Variants in MPP7 observed in about 807,000 individuals in gnomAD.
MPP7 encodes MAGUK p55 scaffold protein 7.
In MPP7, 60 loss-of-function variants were observed where a neutral mutation model predicts 76.5. The ratio of observed to expected loss-of-function variants is 0.78; its 90% CI spans 0.64 to 0.97. The LOEUF (loss-of-function observed/expected upper bound fraction) is 0.97. MPP7 is among the 50% of genes least tolerant of loss of function. The pLI, the probability that MPP7 is intolerant of heterozygous loss-of-function variation, is 0.00. For synonymous variants in MPP7, 237 were observed against 244.5 expected (o/e 0.97, Z 0.29); for missense variants, 641 against 694.0 (o/e 0.92, Z 0.86).
chr10:28,326,374 G>T (rs1305807698), intron 2 of MPP7, among the ~76,000 whole-genome samples: 1 of 151,622 alleles, frequency 6.6e-6, no homozygotes, highest in Non-Finnish European at 1.5e-5. Context: ...GCTACCAATT[G>T]TAAATGTGAG....
At chr10:28,291,823 CA>C (rs1840927760) in intron 1 of MPP7, among the ~76,000 whole-genome samples, 1 of 152,064 alleles carries the variant, frequency 6.6e-6, no homozygotes, top group South Asian at 2.1e-4. Context: ...GTTTATCAGG[CA>C]AAAAAGTTAA....
intron 3 of MPP7, among the ~76,000 whole-genome samples, chr10:28,163,077 A>T (rs1836318226): frequency 6.6e-6 from 1 of 152,190 alleles, no homozygotes; most frequent in Non-Finnish European, 1.5e-5. Context: ...CATAGGGTCC[A>T]GGGAGAAAGA....
chr10:28,154,401 T>G (rs1835982683), intron 3 of MPP7, among the ~76,000 whole-genome samples: 1 of 152,170 alleles, frequency 6.6e-6, no homozygotes, highest in African/African-American at 2.4e-5. Context: ...TGTAAAGAAA[T>G]AAAGCCTTCC....
At chr10:28,210,958 A>G (rs1588929391) in intron 2 of MPP7, among the ~76,000 whole-genome samples, 2 of 152,314 alleles carry the variant, frequency 1.3e-5, no homozygotes, top group East Asian at 3.9e-4. Flanking sequence ...CGATAAGTAC[A>G]TGTGCCACTT....
chr10:28,269,524 T>C (rs1291287696), intron 1 of MPP7, among the ~76,000 whole-genome samples: 1 of 144,292 alleles, frequency 6.9e-6, no homozygotes, highest in Non-Finnish European at 1.5e-5. Context: ...TTTGTTTTTA[T>C]CTTTTTTTTT....
At chr10:28,170,770 A>G (rs16928572) in intron 3 of MPP7, among the ~76,000 whole-genome samples, 20,455 of 152,020 alleles carry the variant, frequency 0.13, 2,070 homozygotes, top group African/African-American at 0.28. Context: ...AGTTCCATTC[A>G]CCACTGAATC....
At chr10:28,125,120 T>TG (rs753361739) in intron 6 of MPP7, 29 bp from the exon 7 acceptor site, 2 of 1,569,744 alleles carry the variant, frequency 1.3e-6, no homozygotes, top group Non-Finnish European at 1.8e-6. Context: ...AAAGCATTTG[T>TG]GGGTAAATGT....
At chr10:28,224,400 T>C (rs1838620578) in intron 2 of MPP7, among the ~76,000 whole-genome samples, 1 of 152,006 alleles carries the variant, frequency 6.6e-6, no homozygotes. Flanking sequence ...CTGCAAATTT[T>C]TTTGTTAAAA....
intron 2 of MPP7, among the ~76,000 whole-genome samples, chr10:28,214,602 G>A (rs778488349): frequency 1.6e-4 from 24 of 152,268 alleles, no homozygotes; most frequent in Middle Eastern, 3.4e-3. Flanking sequence ...CGATGAAACC[G>A]CCTTTGCAAA....
At chr10:28,137,763 T>C (rs1835393304) in intron 5 of MPP7, among the ~76,000 whole-genome samples, 1 of 152,196 alleles carries the variant, frequency 6.6e-6, no homozygotes, top group African/African-American at 2.4e-5. Flanking sequence ...GGAAATTGTG[T>C]TTCCATATGC....
chr10:28,120,228 C>T lies in MPP7; in HGVS notation c.853G>A (p.Ala285Thr). Reference sequence around the variant, plus strand: ...AAATGCTTTGAGGGGATCAAGCCTGCCCTGGGGTTGGCATCAGCTTCGTGT... The same window carrying T: ...AAATGCTTTGAGGGGATCAAGCCTGTCCTGGGGTTGGCATCAGCTTCGTGT... ...AKHEADANPR[A>T]GLIPSKHFQE... The change falls in exon 10 of 17, where the codon GCA (alanine) becomes ACA (threonine). Residue 285 changes from alanine (A) to threonine (T), a missense_variant. By Grantham distance (58) the Ala-to-Thr change is moderately conservative (BLOSUM62 0). Coordinates refer to ENST00000683449, the MANE Select transcript of MPP7 (RefSeq NM_001318170.2). 1 of 1,613,998 alleles carries T rather than the reference C, an allele frequency of 6.2e-7. No homozygotes were observed. The highest frequency in any genetic ancestry group is 8.5e-7 in the Non-Finnish European group (1 of 1,179,914).
intron 1 of MPP7, among the ~76,000 whole-genome samples, chr10:28,262,226 CAT>C (rs57848111): frequency 0.42 from 17,941 of 42,484 alleles, 3,889 homozygotes; most frequent in East Asian, 0.63. Flanking sequence ...TATATATATA[CAT>C]ATATATATAT....
intron 11 of MPP7, among the ~76,000 whole-genome samples, chr10:28,108,756 T>C (rs1487878111): frequency 6.6e-6 from 1 of 152,188 alleles, no homozygotes; most frequent in African/African-American, 2.4e-5. Flanking sequence ...TTTGTCATGA[T>C]GCCTGGATGT....
chr10:28,154,505 A>G (rs572456186), intron 3 of MPP7, among the ~76,000 whole-genome samples: 1 of 152,308 alleles, frequency 6.6e-6, no homozygotes, highest in South Asian at 2.1e-4. Flanking sequence ...CTTATAAGGA[A>G]CATGTCTATA....
At chr10:28,091,680 T>C (rs1346171245) in intron 11 of MPP7, among the ~76,000 whole-genome samples, 10 of 152,252 alleles carry the variant, frequency 6.6e-5, no homozygotes, top group Admixed American at 5.9e-4. Context: ...TATAGTCAGC[T>C]GTCTGAATCT....
chr10:28,301,752 T>C (rs572728749), intron 1 of MPP7, among the ~76,000 whole-genome samples: 1 of 152,170 alleles, frequency 6.6e-6, no homozygotes, highest in Non-Finnish European at 1.5e-5. Context: ...TAGAGTGCTA[T>C]GAGCTTCACG....
intron 3 of MPP7, among the ~76,000 whole-genome samples, chr10:28,180,406 G>A (rs1837022216): frequency 6.6e-6 from 1 of 152,096 alleles, no homozygotes; most frequent in Non-Finnish European, 1.5e-5. Flanking sequence ...TATCAAAGAA[G>A]AAAATGTAAA....
chr10:28,203,511 A>C (rs1362751401), intron 2 of MPP7, among the ~76,000 whole-genome samples: 2 of 151,664 alleles, frequency 1.3e-5, no homozygotes, highest in Non-Finnish European at 2.9e-5. Context: ...AAAAAAAAAA[A>C]AAAAACCTTC....
At chr10:28,088,980 A>G (rs1853155327) in intron 12 of MPP7, among the ~76,000 whole-genome samples, 1 of 152,120 alleles carries the variant, frequency 6.6e-6, no homozygotes. Flanking sequence ...GGTTCAAGGG[A>G]TTCTTCTGCC....
Sources: allele counts gnomAD v4.1 joint callset (sites outside exome capture counted in the v4.1 genomes callset), GRCh38; gene constraint gnomAD v4.1.1; transcripts MANE v1.5; gene names NCBI Gene and HGNC (gene_info 2026-07-23, HGNC 2026-07-21).